The following TBC1D8B variants were observed in gnomAD, a reference collection of about 807,000 sequenced individuals.
TBC1D8B encodes the protein TBC1 domain family member 8B, also known as RP11-321G1.1.
Under a neutral mutation model 82.9 loss-of-function variants are expected in TBC1D8B, and 75 were observed. The observed-to-expected ratio is 0.90, with a 90% CI of 0.75 to 1.10. TBC1D8B has a LOEUF of 1.10. Ranked by LOEUF, TBC1D8B falls within the 50% of genes least tolerant of loss-of-function variation. The pLI is 0.00. For synonymous variants in TBC1D8B, 276 were observed against 276.8 expected (o/e 1.00, Z 0.03); for missense variants, 794 against 796.9 (o/e 1.00, Z 0.04).
In TBC1D8B at chrX:106,818,757, C is replaced by T. The variant is rs147207846; in HGVS notation, c.225C>T (p.Tyr75=). The part of the protein sequence containing the change: ...ILHQTPDSQV[Y]LSIACGANRE... ...ACCAGACACCAGATTCTCAAGTTTA[C>T]TTGTCAATTGCATGTGGTGAGTATG... The change falls in exon 2 of 21, where the codon TAC becomes TAT. Residue 75 remains tyrosine, a synonymous_variant. Transcript: ENST00000357242. 3.7e-5 allele frequency: 44 copies of T among 1,197,151 alleles called. No homozygotes were observed. The highest frequency in any genetic ancestry group is 4.7e-5 in the Non-Finnish European group (42 of 885,782).
intron 13 of TBC1D8B, among the ~76,000 whole-genome samples, 174 bp downstream of exon 13, chrX:106,853,824 C>G (rs751664480): frequency 8.9e-6 from 1 of 111,988 alleles, no homozygotes; most frequent in South Asian, 3.7e-4. Context: ...GTGTAACCTC[C>G]TCTGCCTCAA....
At position 106,839,157 on chromosome X, in the gene TBC1D8B, T is replaced by A. The variant is rs1430521538; in HGVS notation, c.1204-151T>A. The A allele has an allele frequency of 5.4e-6, 3 of 555,637 alleles. No homozygotes were observed. The East Asian group carries it at 1.2e-4, about 23-fold the overall frequency. The allele number at this position is 555,637 out of a possible 1,213,427, so 45.8% of individuals were successfully genotyped here. ...TTCTAGAAGTCAGGTTGTTGACATA[T>A]CTAATTTTGATAGGTATGTCTCTGA... On this transcript the variant is annotated intron_variant, in intron 7 of 20. Transcript: ENST00000357242.
Position 106,823,293 on chromosome X carries a change from G to A in TBC1D8B, c.654G>A (p.Glu218=). 8.3e-7 allele frequency: 1 copy of A among 1,209,660 alleles called. No homozygotes were observed. The highest frequency in any genetic ancestry group is 2.3e-4 in the Middle Eastern group (1 of 4,324). ...LEKTSNVILT[E]SIHVCSQGEN... is the part of the protein sequence containing the mutation. ...AGACTTCAAATGTCATACTGACAGAGAGTATTCACGTGTGTTCCCAAGGAG... is the reference window on the plus strand; with the variant it reads ...AGACTTCAAATGTCATACTGACAGAAAGTATTCACGTGTGTTCCCAAGGAG... The change falls in exon 5 of 21, where the codon GAG becomes GAA. Residue 218 remains glutamate, a synonymous_variant. Transcript: ENST00000357242.
chrX:106,866,188 A>G (rs1165159485), intron 16 of TBC1D8B, among the ~76,000 whole-genome samples, 155 bp downstream of exon 16: 1 of 111,593 alleles, frequency 9.0e-6, no homozygotes. Flanking sequence ...TGCTAAATCT[A>G]AGTATTTTGA....
intron 1 of TBC1D8B, among the ~76,000 whole-genome samples, chrX:106,806,722 T>G (rs1602401410): frequency 8.9e-6 from 1 of 111,844 alleles, no homozygotes; most frequent in Non-Finnish European, 1.9e-5. Context: ...TTGTGTGGTG[T>G]AGAACAAAGC....
chrX:106,857,334 G>A (rs777240376), intron 14 of TBC1D8B, among the ~76,000 whole-genome samples: 3 of 110,555 alleles, frequency 2.7e-5, no homozygotes, highest in Non-Finnish European at 3.8e-5. Flanking sequence ...TGTATTTTTA[G>A]TAGAGATGGG....
At chrX:106,804,369 A>G (rs1931124495) in intron 1 of TBC1D8B, among the ~76,000 whole-genome samples, 1 of 111,927 alleles carries the variant, frequency 8.9e-6, no homozygotes, top group African/African-American at 3.3e-5. Flanking sequence ...AGACCTATTA[A>G]TCTTATCCAG....
intron 9 of TBC1D8B, 102 bp downstream of exon 9, chrX:106,840,300 CAA>C: frequency 1.2e-6 from 1 of 859,836 alleles, no homozygotes; most frequent in South Asian, 2.7e-5. Flanking sequence ...ATGGTTAATA[CAA>C]AGTCTTACTC....
chrX:106,846,773 A>G (rs1932464283), intron 10 of TBC1D8B, among the ~76,000 whole-genome samples: 2 of 111,850 alleles, frequency 1.8e-5, no homozygotes. Context: ...ACAAATCTAT[A>G]TGAAAGGTAT....
At chrX:106,860,637 A>G (rs927440770) in intron 14 of TBC1D8B, among the ~76,000 whole-genome samples, 21 of 110,286 alleles carry the variant, frequency 1.9e-4, no homozygotes, top group Non-Finnish European at 3.2e-4. Flanking sequence ...TAGTTTAGCT[A>G]GTGGTCTATC....
At position 106,875,986 on chromosome X, in the gene TBC1D8B, T is replaced by A. The variant is rs1006953348; in HGVS notation, c.*2021T>A. 8.9e-6 allele frequency: 1 copy of A among 111,968 alleles called. No homozygotes were observed. Among genetic ancestry groups the A allele is most frequent in the African/African-American group, 3.2e-5 (1 of 30,784 alleles). 9.2% of individuals were successfully genotyped at this position (111,968 alleles called of 1,213,427 possible). ...AAACAAACTAAACATTATAGTTTTATAGCTGCTATCTTGTTAACCAAACAG... is the reference window on the plus strand; with the variant it reads ...AAACAAACTAAACATTATAGTTTTAAAGCTGCTATCTTGTTAACCAAACAG... On this transcript the variant is annotated 3_prime_UTR_variant, in exon 21 of 21. Coordinates refer to ENST00000357242, the MANE Select transcript of TBC1D8B (RefSeq NM_017752.3).
chrX:106,858,323 A>G (rs1602433902), intron 14 of TBC1D8B, among the ~76,000 whole-genome samples: 1 of 111,537 alleles, frequency 9.0e-6, no homozygotes, highest in African/African-American at 3.3e-5. Context: ...CCCAGGCTGG[A>G]GTGCAGTGGT....
intron 7 of TBC1D8B, among the ~76,000 whole-genome samples, chrX:106,835,373 T>C (rs924720447): frequency 1.1e-4 from 12 of 112,249 alleles, no homozygotes; most frequent in Admixed American, 8.5e-4. Context: ...TGAGGCTGCA[T>C]AGAGCAGGGG....
At chrX:106,807,209 C>G (rs1006295733) in intron 1 of TBC1D8B, among the ~76,000 whole-genome samples, 3 of 108,607 alleles carry the variant, frequency 2.8e-5, no homozygotes, top group African/African-American at 1.0e-4. Context: ...CCCGCCCCCC[C>G]CCATACACAC....
intron 1 of TBC1D8B, chrX:106,814,735 A>G: frequency 9.0e-6 from 1 of 111,556 alleles, no homozygotes; most frequent in Non-Finnish European, 1.9e-5. Flanking sequence ...AATGATCGCC[A>G]TTCTAACTGG....
At chrX:106,839,500 G>A (rs1932253646) in intron 8 of TBC1D8B, 43 bp downstream of exon 8, 1 of 1,081,662 alleles carries the variant, frequency 9.2e-7, no homozygotes, top group African/African-American at 1.9e-5. Context: ...GAAACATTTG[G>A]TGAAAAGTAA....
intron 1 of TBC1D8B, among the ~76,000 whole-genome samples, chrX:106,808,376 C>T (rs962389548): frequency 1.7e-4 from 19 of 111,331 alleles, no homozygotes; most frequent in African/African-American, 5.2e-4. Flanking sequence ...AAGAGAAAGA[C>T]GTTAAAATGC....
At chrX:106,821,599 G>A (rs1245564591) in intron 3 of TBC1D8B, among the ~76,000 whole-genome samples, 1 of 111,257 alleles carries the variant, frequency 9.0e-6, no homozygotes, top group East Asian at 2.8e-4. Flanking sequence ...GGCCGCCGCT[G>A]TAGATACCAA....
chrX:106,839,349 T>G lies in TBC1D8B; in HGVS notation c.1245T>G (p.Phe415Leu). 1 of 1,187,317 alleles carries G rather than the reference T, an allele frequency of 8.4e-7. No individual in the cohort carries two copies. The highest frequency in any genetic ancestry group is 1.1e-6 in the Non-Finnish European group (1 of 882,704). The change falls in exon 8 of 21, where the codon TTT (phenylalanine) becomes TTG (leucine). Residue 415 changes from phenylalanine to leucine, a missense_variant. Coordinates refer to ENST00000357242, the MANE Select transcript of TBC1D8B (RefSeq NM_017752.3). The part of the protein sequence containing the change: ...SSESTEPSDN[F>L]EVQSLTSQRE... The stretch of plus-strand genomic sequence containing the variant: ...AGTCTACAGAGCCATCTGATAATTT[T>G]GAGGTGCAATCTTTGACAAGTCAGA...
Sources: gnomAD v4.1 joint callset for allele counts (sites outside exome capture counted in the v4.1 genomes callset) on GRCh38, gnomAD v4.1.1 for gene constraint, MANE v1.5 for transcripts, NCBI Gene and HGNC (gene_info 2026-07-23, HGNC 2026-07-21) for gene names.